The following UNC79 variants were observed in gnomAD, a reference collection of about 807,000 sequenced individuals.
UNC79 encodes the protein protein unc-79 homolog.
A neutral mutation model predicts 283.1 loss-of-function variants in UNC79; 37 were observed. The ratio of observed to expected loss-of-function variants is 0.13; its 90% CI spans 0.10 to 0.17. The LOEUF is 0.17. Ranked by LOEUF, UNC79 falls within the 10% of genes least tolerant of loss-of-function variation. The probability of loss-of-function intolerance (pLI) is 1.00; values close to 1 mark genes in which losing one functional copy is unlikely to be tolerated. For synonymous variants in UNC79, 1,107 were observed against 1,200.2 expected (o/e 0.92, Z 1.61); for missense variants, 2,272 against 3,211.1 (o/e 0.71, Z 7.07).
intron 1 of UNC79, among the ~76,000 whole-genome samples, chr14:93,452,710 TTTTC>T (rs2056683123): frequency 6.6e-6 from 1 of 152,026 alleles, no homozygotes; most frequent in African/African-American, 2.4e-5. Context: ...TTGATAACAA[TTTTC>T]TCAGTTTTCT....
intron 1 of UNC79, among the ~76,000 whole-genome samples, chr14:93,394,166 G>T (rs1440908867): frequency 6.6e-6 from 1 of 151,820 alleles, no homozygotes; most frequent in Non-Finnish European, 1.5e-5. Flanking sequence ...TCATCATCAG[G>T]TTTCATTTGC....
At chr14:93,345,923 G>C (rs141717467) in intron 1 of UNC79, among the ~76,000 whole-genome samples, 90 of 151,232 alleles carry the variant, frequency 6.0e-4, no homozygotes, top group African/African-American at 2.0e-3. Context: ...AAGGAAAAAA[G>C]AGGGTACTCA....
At chr14:93,538,367 T>G in intron 12 of UNC79, 149 bp downstream of exon 12, 1 of 837,770 alleles carries the variant, frequency 1.2e-6, no homozygotes, top group East Asian at 2.9e-5. Context: ...GATGCTATTT[T>G]AATTCATGAA....
intron 7 of UNC79, among the ~76,000 whole-genome samples, chr14:93,501,035 A>G (rs550979724): frequency 2.6e-5 from 4 of 152,350 alleles, no homozygotes; most frequent in Admixed American, 6.5e-5. Context: ...TTTAAAAAGT[A>G]AAAATTTGGC....
At chr14:93,593,896 A>G (rs756298357) in intron 23 of UNC79, 59 bp downstream of exon 23, 85 of 1,473,038 alleles carry the variant, frequency 5.8e-5, no homozygotes, top group Non-Finnish European at 7.6e-5. Flanking sequence ...GTGTCTGGTC[A>G]CGGCATCTTT....
At chr14:93,477,579 A>G in exon 4 of UNC79, 2 of 1,605,080 alleles carry the variant, frequency 1.2e-6, no homozygotes, top group South Asian at 1.1e-5. Flanking sequence ...TCGATATTTT[A>G]TACAACTACA....
At chr14:93,388,634 T>C (rs1315536706) in intron 1 of UNC79, among the ~76,000 whole-genome samples, 1 of 152,212 alleles carries the variant, frequency 6.6e-6, no homozygotes, top group Non-Finnish European at 1.5e-5. Context: ...CAATAATGAA[T>C]AGCATTGCTT....
chr14:93,375,198 C>T (rs559967592), intron 1 of UNC79, among the ~76,000 whole-genome samples: 130 of 152,166 alleles, frequency 8.5e-4, no homozygotes, highest in Non-Finnish European at 1.6e-3. Context: ...GCCTGGGCAA[C>T]ATTGCAAAAC....
At chr14:93,346,584 A>G (rs2053836657) in intron 1 of UNC79, among the ~76,000 whole-genome samples, 1 of 152,246 alleles carries the variant, frequency 6.6e-6, no homozygotes, top group African/African-American at 2.4e-5. Context: ...TTTTTATATC[A>G]TCAGCCGACT....
At chr14:93,465,691 A>G (rs371651151) in intron 1 of UNC79, among the ~76,000 whole-genome samples, 1 of 152,222 alleles carries the variant, frequency 6.6e-6, no homozygotes, top group African/African-American at 2.4e-5. Context: ...TGAGCAAGCC[A>G]TTGAGTTGAG....
At chr14:93,655,265 G>A in exon 38 of UNC79, 1 of 1,614,102 alleles carries the variant, frequency 6.2e-7, no homozygotes, top group Non-Finnish European at 8.5e-7. Flanking sequence ...TTACCAGCAG[G>A]GGGTGCTATG....
At chr14:93,412,592 G>A (rs2055357372) in intron 1 of UNC79, among the ~76,000 whole-genome samples, 1 of 151,998 alleles carries the variant, frequency 6.6e-6, no homozygotes, top group Admixed American at 6.6e-5. Context: ...ACTGTTGGGA[G>A]TTTGATTATA....
At chr14:93,650,812 C>T (rs2070167626) in intron 35 of UNC79, among the ~76,000 whole-genome samples, 1 of 152,136 alleles carries the variant, frequency 6.6e-6, no homozygotes, top group Non-Finnish European at 1.5e-5. Context: ...TAAAACAAAA[C>T]ATTACAATTA....
rs1162176359 is a variant in UNC79, at chr14:93,641,194, T to A, written c.5850T>A (p.Phe1950Leu). Residue 1950 changes from phenylalanine (F) to leucine (L), a missense_variant, in exon 33 of 49, where the codon TTT becomes TTA. Coordinates refer to ENST00000555664, the Ensembl canonical transcript of UNC79. ...CAGCACCAAGCATAGTCAGTATGTT[T>A]GTGCCTGCACCTGAAGAGTTCACTG... The A allele has an allele frequency of 1.2e-6, 2 of 1,613,772 alleles. No individual in the cohort carries two copies. Among genetic ancestry groups the A allele is most frequent in the East Asian group, 4.5e-5 (2 of 44,860 alleles).
At chr14:93,459,649 T>G (rs2056890786) in intron 1 of UNC79, among the ~76,000 whole-genome samples, 1 of 150,676 alleles carries the variant, frequency 6.6e-6, no homozygotes, top group African/African-American at 2.4e-5. Context: ...AGTCACTTAC[T>G]GTTTTTGAAC....
chr14:93,612,253 G>A (rs767815385), intron 26 of UNC79, among the ~76,000 whole-genome samples: 2 of 152,144 alleles, frequency 1.3e-5, no homozygotes, highest in Non-Finnish European at 2.9e-5. Flanking sequence ...TTTAAAGAGT[G>A]CCTATTGCTA....
At chr14:93,519,949 G>A (rs973071017) in intron 7 of UNC79, among the ~76,000 whole-genome samples, 1 of 151,628 alleles carries the variant, frequency 6.6e-6, no homozygotes, top group Non-Finnish European at 1.5e-5. Context: ...ATTAATATGA[G>A]TAAAAAAGCC....
chr14:93,340,441 C>CAAAAAAA (rs1193751068), intron 1 of UNC79, among the ~76,000 whole-genome samples: 26 of 64,386 alleles, frequency 4.0e-4, no homozygotes, highest in East Asian at 1.1e-3. Context: ...AACGCTGTCT[C>CAAAAAAA]AAAAAAAAAA....
chr14:93,601,546 A>G (rs2065509050), intron 25 of UNC79, among the ~76,000 whole-genome samples: 1 of 152,182 alleles, frequency 6.6e-6, no homozygotes, highest in Non-Finnish European at 1.5e-5. Context: ...GCAATTGTGA[A>G]TTGTGCTGCT....
Sources: allele counts gnomAD v4.1 joint callset (sites outside exome capture counted in the v4.1 genomes callset), GRCh38; gene constraint gnomAD v4.1.1; transcripts MANE v1.5; gene names NCBI Gene and HGNC (gene_info 2026-07-23, HGNC 2026-07-21).